The following STK32B variants were observed in gnomAD, a reference collection of about 807,000 sequenced individuals.
STK32B encodes the protein serine/threonine-protein kinase 32B.
A neutral mutation model predicts 52.6 loss-of-function variants in STK32B; 43 were observed. That is an observed-to-expected ratio of 0.82 (90% CI 0.64 to 1.05). The LOEUF is 1.05. Ranked by LOEUF, STK32B falls within the 50% of genes least tolerant of loss-of-function variation. The probability of loss-of-function intolerance (pLI) is 0.00; values close to 1 mark genes in which losing one functional copy is unlikely to be tolerated. For synonymous variants in STK32B, 238 were observed against 204.3 expected (o/e 1.17, Z -1.41); for missense variants, 621 against 534.6 (o/e 1.16, Z -1.59).
At chr4:5,252,212 T>C (rs1329814373) in intron 3 of STK32B, among the ~76,000 whole-genome samples, 1 of 152,124 alleles carries the variant, frequency 6.6e-6, no homozygotes, top group Non-Finnish European at 1.5e-5. Context: ...TCCCCACATA[T>C]AAATATGTGC....
chr4:5,246,838 C>T (rs1000186296), intron 3 of STK32B, among the ~76,000 whole-genome samples: 1 of 152,196 alleles, frequency 6.6e-6, no homozygotes, highest in African/African-American at 2.4e-5. Flanking sequence ...TGGAGGTCCA[C>T]TTCAGACCCC....
At chr4:5,363,500 C>T (rs902907573) in intron 4 of STK32B, among the ~76,000 whole-genome samples, 4 of 152,132 alleles carry the variant, frequency 2.6e-5, no homozygotes, top group African/African-American at 7.2e-5. Flanking sequence ...AAGGCAGACT[C>T]CAGACTTGGT....
Position 5,058,657 on chromosome 4 carries a change from G to T in STK32B, c.52+6742G>T. ...GACTCACTGCAGCCTCAACCTCCCC[G>T]GCTCAAGCAATCCTCCTGTGTCAGC... On this transcript the variant is annotated intron_variant, in intron 1 of 11. Transcript: ENST00000282908. The surrounding 1 kb of genome is among the most constrained non-coding windows in gnomAD (Gnocchi z 4.8). Among the ~76,000 whole-genome samples, 1 of 152,060 alleles carries T rather than the reference G, an allele frequency of 6.6e-6. No individual in the cohort carries two copies. Among genetic ancestry groups the T allele is most frequent in the East Asian group, 1.9e-4 (1 of 5,194 alleles).
intron 3 of STK32B, among the ~76,000 whole-genome samples, chr4:5,236,452 G>A (rs1290094145): frequency 6.6e-6 from 1 of 152,248 alleles, no homozygotes; most frequent in South Asian, 2.1e-4. Context: ...ACGGGAACAA[G>A]AATCAGAACA....
At chr4:5,073,467 A>G (rs1433162552) in intron 1 of STK32B, among the ~76,000 whole-genome samples, 1 of 151,968 alleles carries the variant, frequency 6.6e-6, no homozygotes, top group Non-Finnish European at 1.5e-5. Context: ...TACATGTAAT[A>G]TAAAACTCAT....
intron 2 of STK32B, among the ~76,000 whole-genome samples, chr4:5,140,682 TGATTA>T (rs1716373014): frequency 6.6e-6 from 1 of 152,220 alleles, no homozygotes. Context: ...CCCATACTGT[TGATTA>T]GACTATTTAA....
intron 3 of STK32B, among the ~76,000 whole-genome samples, chr4:5,188,847 A>C (rs558548914): frequency 1.5e-5 from 2 of 137,210 alleles, no homozygotes; most frequent in African/African-American, 5.4e-5. Context: ...GGAACATCAC[A>C]CACTGGGGCC....
intron 3 of STK32B, among the ~76,000 whole-genome samples, chr4:5,254,413 T>A (rs1726157052): frequency 6.6e-6 from 1 of 152,174 alleles, no homozygotes. Context: ...AAAAATTATG[T>A]CCTAACTTGT....
chr4:5,300,267 T>C (rs1910389), intron 3 of STK32B, among the ~76,000 whole-genome samples: 20,929 of 152,058 alleles, frequency 0.14, 2,886 homozygotes, highest in African/African-American at 0.36. Flanking sequence ...AACTAGCCAT[T>C]GAAAGAACAC....
Position 5,434,454 on chromosome 4 carries a change from G to GTGTATATA in STK32B, c.563-12218_563-12217insGTATATAT, listed in dbSNP as rs1412605937. Among the ~76,000 whole-genome samples, 5 of 131,256 alleles carry GTGTATATA rather than the reference G, an allele frequency of 3.8e-5. No individual in the cohort carries two copies. The East Asian group carries it at 8.0e-4, about 21-fold the overall frequency. 86.1% of individuals were successfully genotyped at this position (131,256 alleles called of 152,430 possible). A position where few individuals can be genotyped will look rare whatever the true frequency, so the allele number is the denominator to read the frequency against. ...TGTATGTGTGTGTGTGTGTGTGTGT[G>GTGTATATA]TATATATATATATATATATGATTTT... On this transcript the variant is annotated intron_variant, in intron 6 of 11. Coordinates refer to ENST00000282908, the MANE Select transcript of STK32B (RefSeq NM_018401.3).
chr4:5,088,407 G>A (rs1273976868), intron 1 of STK32B, among the ~76,000 whole-genome samples: 1 of 152,002 alleles, frequency 6.6e-6, no homozygotes, highest in Non-Finnish European at 1.5e-5. Flanking sequence ...GCACAACAGG[G>A]TGACTGTAAT....
chr4:5,292,837 A>G (rs747835169), intron 3 of STK32B, among the ~76,000 whole-genome samples: 9 of 151,944 alleles, frequency 5.9e-5, no homozygotes, highest in Non-Finnish European at 1.5e-5. Flanking sequence ...GGTTTGCTAC[A>G]TAGATATACA....
chr4:5,172,394 A>T (rs575856852), intron 3 of STK32B, among the ~76,000 whole-genome samples: 49 of 152,254 alleles, frequency 3.2e-4, no homozygotes, highest in African/African-American at 1.0e-3. Context: ...GCCAGTTTTC[A>T]AAGGGAATGC....
In STK32B at chr4:5,386,836, T is replaced by G. The variant is rs1377014870; in HGVS notation, c.435-11371T>G. Among the ~76,000 whole-genome samples the G allele has an allele frequency of 6.6e-6, 1 of 151,870 alleles. No individual in the cohort carries two copies. Among genetic ancestry groups the G allele is most frequent in the Non-Finnish European group, 1.5e-5 (1 of 67,956 alleles). The stretch of plus-strand genomic sequence containing the variant: ...TCCAATAGAAGTCACGTGGATAGAG[T>G]CGGATTCAGCCTTGATACGAACTTG... On this transcript the variant is annotated intron_variant, in intron 4 of 11. Transcript: ENST00000282908. This position sits in a 1 kb window ranked among gnomAD's most constrained non-coding sequence, Gnocchi z 4.5.
chr4:5,023,876 G>A, the STK32B span, among the ~76,000 whole-genome samples: 400 of 152,296 alleles, frequency 2.6e-3, no homozygotes, highest in African/African-American at 9.3e-3. Flanking sequence ...GTGGGACCCA[G>A]ACTGGAACAC....
At chr4:5,057,299 T>C (rs1742043449) in intron 1 of STK32B, among the ~76,000 whole-genome samples, 1 of 152,214 alleles carries the variant, frequency 6.6e-6, no homozygotes, top group African/African-American at 2.4e-5. Context: ...CCTTGAGACT[T>C]GCTTGAGCAG....
intron 3 of STK32B, among the ~76,000 whole-genome samples, chr4:5,213,421 AT>A (rs1372895326): frequency 2.0e-5 from 3 of 152,316 alleles, no homozygotes; most frequent in African/African-American, 4.8e-5. Context: ...TGAAATCCAG[AT>A]TCCTTTCTGT....
chr4:5,277,700 GTT>G (rs1188690219), intron 3 of STK32B, among the ~76,000 whole-genome samples: 1 of 152,124 alleles, frequency 6.6e-6, no homozygotes, highest in Non-Finnish European at 1.5e-5. Context: ...TCTTTGTATG[GTT>G]TTCATAGTGT....
chr4:5,461,695 C>A (rs974987770), intron 9 of STK32B, among the ~76,000 whole-genome samples: 1 of 152,186 alleles, frequency 6.6e-6, no homozygotes, highest in Non-Finnish European at 1.5e-5. Flanking sequence ...CCTTTCTCCC[C>A]ACTTCCCTCG....
Sources: gnomAD v4.1 joint callset for allele counts (sites outside exome capture counted in the v4.1 genomes callset) on GRCh38, gnomAD v4.1.1 for gene constraint, Gnocchi (gnomAD v3.1) non-coding constraint, MANE v1.5 for transcripts, NCBI Gene and HGNC (gene_info 2026-07-23, HGNC 2026-07-21) for gene names.